The following GALNT17 variants were observed in gnomAD, a reference collection of about 807,000 sequenced individuals.
The protein encoded by GALNT17 is polypeptide N-acetylgalactosaminyltransferase 17.
GALNT17 carries 29 observed loss-of-function variants against 63.7 expected under a neutral mutation model. The observed-to-expected ratio is 0.46, with a 90% CI of 0.34 to 0.62. The LOEUF (loss-of-function observed/expected upper bound fraction) is 0.62, where lower values mean the gene tolerates loss of function less well. Ranked by LOEUF, GALNT17 falls within the 20% of genes least tolerant of loss-of-function variation. The pLI, the probability that GALNT17 is intolerant of heterozygous loss-of-function variation, is 0.01. For missense variants in GALNT17, 603 were observed against 799.6 expected, an observed-to-expected ratio of 0.75 and a Z score of 2.97; for synonymous variants, 305 against 318.3, an observed-to-expected ratio of 0.96 and a Z score of 0.45.
intron 1 of GALNT17, among the ~76,000 whole-genome samples, chr7:71,275,598 A>T (rs1790668495): frequency 6.6e-6 from 1 of 152,176 alleles, no homozygotes; most frequent in Non-Finnish European, 1.5e-5. Context: ...AGCGCCTGTC[A>T]CATGTAAAGG....
intron 5 of GALNT17, among the ~76,000 whole-genome samples, chr7:71,549,010 G>T (rs1239617202): frequency 6.6e-6 from 1 of 152,184 alleles, no homozygotes. Context: ...GCCTCTGGGG[G>T]TTATGGATAG....
chr7:71,173,230 A>G (rs1788576840), intron 1 of GALNT17, among the ~76,000 whole-genome samples: 1 of 152,096 alleles, frequency 6.6e-6, no homozygotes, highest in South Asian at 2.1e-4. Context: ...ACCCTCAGGG[A>G]CCGTCAGGGT....
chr7:71,230,788 T>G (rs1789773813), intron 1 of GALNT17, among the ~76,000 whole-genome samples: 2 of 152,142 alleles, frequency 1.3e-5, no homozygotes, highest in Admixed American at 1.3e-4. Flanking sequence ...TTCGTGAGCA[T>G]GCTGGGGAGT....
chr7:71,501,748 A>G (rs1176942203), intron 5 of GALNT17, among the ~76,000 whole-genome samples: 4 of 152,176 alleles, frequency 2.6e-5, no homozygotes, highest in Admixed American at 2.6e-4. Flanking sequence ...GTTTACAGTC[A>G]TATAGAGTGT....
chr7:71,265,193 C>T (rs1340919170), intron 1 of GALNT17, among the ~76,000 whole-genome samples: 2 of 135,870 alleles, frequency 1.5e-5, no homozygotes, highest in Non-Finnish European at 3.1e-5. Flanking sequence ...GTGGCGCGAT[C>T]TTGGCTCACT....
At chr7:71,137,265 G>A (rs962334428) in intron 1 of GALNT17, among the ~76,000 whole-genome samples, 28 of 149,196 alleles carry the variant, frequency 1.9e-4, no homozygotes, top group Admixed American at 1.6e-3. Context: ...TCAGCCTCCC[G>A]AGTAGCTGGG....
chr7:71,192,838 T>C (rs1034813679), intron 1 of GALNT17, among the ~76,000 whole-genome samples: 9 of 152,352 alleles, frequency 5.9e-5, no homozygotes, highest in Admixed American at 5.9e-4. Context: ...TTAGCCATGG[T>C]AGTGGCTGTG....
At chr7:71,183,105 T>C (rs1788765262) in intron 1 of GALNT17, among the ~76,000 whole-genome samples, 1 of 152,134 alleles carries the variant, frequency 6.6e-6, no homozygotes, top group Admixed American at 6.5e-5. Context: ...AAGGGGCTTT[T>C]TCAATGGAGC....
rs543113054 is a variant in GALNT17, at chr7:71,437,841, A to G, written c.962+16736A>G. Among the ~76,000 whole-genome samples, 29 of 152,288 alleles carry G rather than the reference A, an allele frequency of 1.9e-4. No individual in the cohort carries two copies. In the East Asian group the frequency reaches 3.3e-3, roughly 17 times the overall value. Reference sequence around the variant, plus strand: ...GCAATCTTCCCACCTTAGTTGCCCAAGTAGCTGGGACTACAGGTGCATGCC... The same window carrying G: ...GCAATCTTCCCACCTTAGTTGCCCAGGTAGCTGGGACTACAGGTGCATGCC... On this transcript the variant is annotated intron_variant, in intron 5 of 10. Transcript: ENST00000333538.
At chr7:71,170,919 T>G (rs1346134140) in intron 1 of GALNT17, among the ~76,000 whole-genome samples, 1 of 152,002 alleles carries the variant, frequency 6.6e-6, no homozygotes, top group East Asian at 1.9e-4. Flanking sequence ...TAGTTCTTTT[T>G]TTTCCCTGTT....
chr7:71,237,511 G>GAAAA (rs369921098), intron 1 of GALNT17, among the ~76,000 whole-genome samples: 1 of 78,122 alleles, frequency 1.3e-5, no homozygotes, highest in African/African-American at 4.2e-5. Flanking sequence ...TCCCATCTCT[G>GAAAA]AAAAAAAAAA....
rs34168187 is a variant in GALNT17, at chr7:71,197,366, A to ATT, written c.238+64340_238+64341dup. ...AGGCACCTGCCACCACGGCCGGCTA[A>ATT]TTTTTTTTTTTTTTTGCATTTTTAG... On this transcript the variant is annotated intron_variant, in intron 1 of 10. Transcript: ENST00000333538. Among the ~76,000 whole-genome samples, 220 of 138,938 alleles carry ATT rather than the reference A, an allele frequency of 1.6e-3. 1 individual carries two copies. The highest frequency in any genetic ancestry group is 5.8e-3 in the African/African-American group (218 of 37,898). 91.1% of individuals were successfully genotyped at this position (138,938 alleles called of 152,430 possible).
chr7:71,323,969 A>G (rs1167221254), intron 1 of GALNT17, among the ~76,000 whole-genome samples: 1 of 152,102 alleles, frequency 6.6e-6, no homozygotes, highest in Non-Finnish European at 1.5e-5. Flanking sequence ...TCTGGGTTGG[A>G]TAGTGTCCAG....
intron 1 of GALNT17, among the ~76,000 whole-genome samples, chr7:71,217,922 C>G (rs1014247002): frequency 2.3e-5 from 3 of 132,056 alleles, no homozygotes; most frequent in Admixed American, 7.5e-5. Context: ...AGCTAGACTC[C>G]GTCTCAAAAA....
intron 10 of GALNT17, 144 bp downstream of exon 10, chr7:71,711,072 C>A: frequency 9.3e-7 from 1 of 1,080,606 alleles, no homozygotes; most frequent in Non-Finnish European, 1.3e-6. Context: ...GCTTGTGGAC[C>A]CAAAGCACTT....
rs143897423 is a variant in GALNT17, at chr7:71,500,893, C to T, written c.963-70392C>T. On this transcript the variant is annotated intron_variant, in intron 5 of 10. Transcript: ENST00000333538. ...CCTCTCTTCTCCCCCTTTACCATAT[C>T]GATCTAGTTTAGATTCCAGGGCTCA... 1.6e-3 allele frequency among the ~76,000 whole-genome samples: 239 copies of T among 152,220 alleles called. 2 individuals carry two copies. Among genetic ancestry groups the T allele is most frequent in the African/African-American group, 5.6e-3 (232 of 41,538 alleles).
intron 5 of GALNT17, among the ~76,000 whole-genome samples, chr7:71,482,891 G>A (rs571450198): frequency 6.8e-4 from 103 of 152,266 alleles, no homozygotes; most frequent in Non-Finnish European, 1.3e-3. Flanking sequence ...TCACAAGAGT[G>A]TTCATGCTCC....
Position 71,319,984 on chromosome 7 carries a change from A to C in GALNT17, c.239-15566A>C, listed in dbSNP as rs183969382. On this transcript the variant is annotated intron_variant, in intron 1 of 10. Transcript: ENST00000333538. ...GAAGCAGCAATGCAAGCTCATTTCA[A>C]GTCTCTGCTCATGACACATCCCTAG... is the stretch of plus-strand genomic sequence containing the variant. 2.5e-3 allele frequency among the ~76,000 whole-genome samples: 383 copies of C among 152,288 alleles called. 8 individuals carry two copies. Among genetic ancestry groups the C allele is most frequent in the Non-Finnish European group, 1.4e-3 (96 of 68,016 alleles).
intron 6 of GALNT17, among the ~76,000 whole-genome samples, chr7:71,590,555 T>C (rs1365886539): frequency 6.6e-6 from 1 of 152,178 alleles, no homozygotes; most frequent in Non-Finnish European, 1.5e-5. Flanking sequence ...TGGCTCTGGG[T>C]TTCTGGGGCA....
Sources: allele counts gnomAD v4.1 joint callset (sites outside exome capture counted in the v4.1 genomes callset), GRCh38; gene constraint gnomAD v4.1.1; transcripts MANE v1.5; gene names NCBI Gene and HGNC (gene_info 2026-07-23, HGNC 2026-07-21).